The following MED7 variants were observed in gnomAD, a reference collection of about 807,000 sequenced individuals.
The protein encoded by MED7 is mediator of RNA polymerase II transcription subunit 7.
A neutral mutation model predicts 16.6 loss-of-function variants in MED7; 7 were observed. That is an observed-to-expected ratio of 0.42 (90% CI 0.24 to 0.79). The LOEUF (loss-of-function observed/expected upper bound fraction) is 0.79, where lower values mean the gene tolerates loss of function less well. Ranked by LOEUF, MED7 falls within the 30% of genes least tolerant of loss-of-function variation. The pLI is 0.27. For synonymous variants in MED7, 88 were observed against 90.5 expected (o/e 0.97, Z 0.16); for missense variants, 240 against 286.3 (o/e 0.84, Z 1.17).
chr5:157,138,473 A>G lies in MED7; in HGVS notation c.*257T>C. ...ATCATCAAAGTTTTACTGCAACTCTAAAACATAGGAATGTCCCATACAACA... is the reference window on the plus strand; with the variant it reads ...ATCATCAAAGTTTTACTGCAACTCTGAAACATAGGAATGTCCCATACAACA... On this transcript the variant is annotated 3_prime_UTR_variant, in exon 2 of 2. Transcript: ENST00000286317. 1 of 361,740 alleles carries G rather than the reference A, an allele frequency of 2.8e-6. No individual in the cohort carries two copies. The allele number at this position is 361,740 out of a possible 1,614,324, so 22.4% of individuals were successfully genotyped here. A position where few individuals can be genotyped will look rare whatever the true frequency, so the allele number is the denominator to read the frequency against.
At chr5:157,142,014 C>A (rs1757731982) in intron 1 of MED7, among the ~76,000 whole-genome samples, 1 of 152,234 alleles carries the variant, frequency 6.6e-6, no homozygotes, top group Admixed American at 6.5e-5. Context: ...TCCCAGGTCC[C>A]TTTAGCTCCA....
intron 1 of MED7, among the ~76,000 whole-genome samples, chr5:157,141,242 G>A (rs908390646): frequency 6.6e-6 from 1 of 152,026 alleles, no homozygotes; most frequent in South Asian, 2.1e-4. Flanking sequence ...CACGACGCCC[G>A]GCTAATGTTT....
intron 1 of MED7, among the ~76,000 whole-genome samples, chr5:157,141,801 G>A (rs1449695388): frequency 6.6e-6 from 1 of 151,928 alleles, no homozygotes; most frequent in Non-Finnish European, 1.5e-5. Flanking sequence ...ATGTTGGCCA[G>A]GCTGGTCTGG....
chr5:157,139,045 G>C lies in MED7; in HGVS notation c.387C>G (p.His129Gln), dbSNP rs780435271. The C allele has an allele frequency of 2.5e-6, 4 of 1,613,926 alleles. No homozygotes were observed. The Admixed American group carries it at 6.7e-5, about 27-fold the overall frequency. ...VHHLINEYRP[H>Q]QARETLRVMM... ...TGACTCTCAAGGTCTCTCTTGCTTG[G>C]TGGGGTCGGTATTCATTTATAAGAT... Residue 129 changes from histidine to glutamine, a missense_variant, in exon 2 of 2, where the codon CAC becomes CAG. His to Gln is a conservative substitution (Grantham distance 24). Coordinates refer to ENST00000286317, the MANE Select transcript of MED7 (RefSeq NM_004270.5).
intron 1 of MED7, among the ~76,000 whole-genome samples, chr5:157,141,711 C>T (rs1757727397): frequency 6.6e-6 from 1 of 152,028 alleles, no homozygotes; most frequent in Non-Finnish European, 1.5e-5. Context: ...GCCTGAGCCT[C>T]CTGAGTAGCT....
At chr5:157,142,124 T>C (rs1413049762) in intron 1 of MED7, among the ~76,000 whole-genome samples, 2 of 152,222 alleles carry the variant, frequency 1.3e-5, no homozygotes, top group East Asian at 3.8e-4. Flanking sequence ...ACTGTCTCTC[T>C]AGATGGAACT....
Position 157,142,825 on chromosome 5 carries a change from C to T in MED7, c.-23G>A, listed in dbSNP as rs1757749817. 1 of 152,462 alleles carries T rather than the reference C, an allele frequency of 6.6e-6. No homozygotes were observed. The highest frequency in any genetic ancestry group is 6.5e-5 in the Admixed American group (1 of 15,290). The allele number at this position is 152,462 out of a possible 1,614,324, so 9.4% of individuals were successfully genotyped here. On this transcript the variant is annotated 5_prime_UTR_variant, in exon 1 of 2. Transcript: ENST00000286317. ...AACCGTTGCCGCCCACTTACCTCAG[C>T]TCTGGCTTTACACTGGTAGCCGCCT...
Position 157,139,086 on chromosome 5 carries a change from A to G in MED7, c.346T>C (p.Phe116Leu). The G allele has an allele frequency of 1.2e-6, 2 of 1,614,004 alleles. No homozygotes were observed. Among genetic ancestry groups the G allele is most frequent in the Non-Finnish European group, 1.7e-6 (2 of 1,179,966 alleles). Residue 116 changes from phenylalanine (F) to leucine (L), a missense_variant, in exon 2 of 2, where the codon TTT (phenylalanine) becomes CTT (leucine). Physicochemically the swap from Phe to Leu is conservative, Grantham distance 22. Transcript: ENST00000286317. ...EEKLEDLKLL[F>L]VHVHHLINEY... ...TTTATAAGATGATGCACGTGTACAAAAAGCAGCTTAAGATCTTCTAGTTTC... is the reference window on the plus strand; with the variant it reads ...TTTATAAGATGATGCACGTGTACAAGAAGCAGCTTAAGATCTTCTAGTTTC...
In MED7 at chr5:157,137,505, C is replaced by T. The variant is rs1757653219; in HGVS notation, c.*1225G>A. The T allele has an allele frequency of 1.3e-5, 2 of 152,180 alleles. No homozygotes were observed. Among genetic ancestry groups the T allele is most frequent in the South Asian group, 4.1e-4 (2 of 4,832 alleles). The allele number at this position is 152,180 out of a possible 1,614,324, so 9.4% of individuals were successfully genotyped here. A position where few individuals can be genotyped will look rare whatever the true frequency, so the allele number is the denominator to read the frequency against. ...CCAAGTGATACCAATGCTGCTGGTC[C>T]AGGACCACACACTTTAAGAACCACG... On this transcript the variant is annotated 3_prime_UTR_variant, in exon 2 of 2. Transcript: ENST00000286317.
Position 157,137,771 on chromosome 5 carries a change from AC to A in MED7, c.*958del, listed in dbSNP as rs1486789840. ...GGTGGCTTCCAAACTTATCCTGGAT[AC>A]GACCGTCCAACCAGCAGCTGGGAGA... is the stretch of plus-strand genomic sequence containing the variant. On this transcript the variant is annotated 3_prime_UTR_variant, in exon 2 of 2. Coordinates refer to ENST00000286317, the MANE Select transcript of MED7 (RefSeq NM_004270.5). 6.6e-6 allele frequency: 1 copy of A among 152,282 alleles called. No individual in the cohort carries two copies. The highest frequency in any genetic ancestry group is 2.4e-5 in the African/African-American group (1 of 41,458). The allele number at this position is 152,282 out of a possible 1,614,324, so 9.4% of individuals were successfully genotyped here. A position where few individuals can be genotyped will look rare whatever the true frequency, so the allele number is the denominator to read the frequency against.
intron 1 of MED7, 164 bp downstream of exon 1, chr5:157,142,639 TCCGCGCTCTCGGAGAGA>T: frequency 6.6e-6 from 1 of 151,810 alleles, no homozygotes; most frequent in South Asian, 2.1e-4. Context: ...CCCCGAGGCC[TCCGCGCTCTCGGAGAGA>T]CCGCACTCTC....
At chr5:157,140,940 T>G (rs1226495758) in intron 1 of MED7, among the ~76,000 whole-genome samples, 3 of 152,250 alleles carry the variant, frequency 2.0e-5, no homozygotes, top group Non-Finnish European at 1.5e-5. Context: ...AATGTTAACA[T>G]TTTCCTTCAT....
At chr5:157,141,084 A>T (rs1561633382) in intron 1 of MED7, among the ~76,000 whole-genome samples, 1 of 150,168 alleles carries the variant, frequency 6.7e-6, no homozygotes, top group Non-Finnish European at 1.5e-5. Flanking sequence ...TTCAAAATAC[A>T]TTTTTTTTTT....
chr5:157,138,832 C>T lies in MED7; in HGVS notation c.600G>A (p.Gln200=). ...DADDSNNCTG[Q]NEHQRENSGH... ...CTGAATTTTCTCTTTGATGTTCATT[C>T]TGTCCAGTACAATTGTTGCTATCAT... The change falls in exon 2 of 2, where the codon CAG becomes CAA. Residue 200 remains glutamine, a synonymous_variant. Coordinates refer to ENST00000286317, the MANE Select transcript of MED7 (RefSeq NM_004270.5). 2 of 1,614,156 alleles carry T rather than the reference C, an allele frequency of 1.2e-6. No individual in the cohort carries two copies. The highest frequency in any genetic ancestry group is 1.7e-6 in the Non-Finnish European group (2 of 1,180,018).
chr5:157,140,847 A>T (rs928635531), intron 1 of MED7, among the ~76,000 whole-genome samples: 1 of 151,980 alleles, frequency 6.6e-6, no homozygotes, highest in Non-Finnish European at 1.5e-5. Context: ...CAGACATTTT[A>T]AAACTTTTAA....
Position 157,139,509 on chromosome 5 carries a change from T to A in MED7, c.-17-61A>T, listed in dbSNP as rs147027341. On this transcript the variant is annotated intron_variant, in intron 1 of 1. Coordinates refer to ENST00000286317, the MANE Select transcript of MED7 (RefSeq NM_004270.5). Reference sequence around the variant, plus strand: ...AGACAAACCTGTTACATTTCATAACTACAGATGGAATATTTTCTTCCTTTT... The same window carrying A: ...AGACAAACCTGTTACATTTCATAACAACAGATGGAATATTTTCTTCCTTTT... 185 of 981,770 alleles carry A rather than the reference T, an allele frequency of 1.9e-4. No individual in the cohort carries two copies. The African/African-American group carries it at 2.9e-3, about 16-fold the overall frequency. The allele number at this position is 981,770 out of a possible 1,614,324, so 60.8% of individuals were successfully genotyped here.
At chr5:157,141,628 T>C (rs1036540712) in intron 1 of MED7, among the ~76,000 whole-genome samples, 4 of 151,278 alleles carry the variant, frequency 2.6e-5, no homozygotes, top group Admixed American at 6.6e-5. Context: ...TCAATCTGTC[T>C]CCCAGGCTGG....
intron 1 of MED7, 109 bp from the exon 2 acceptor site, chr5:157,139,557 G>T: frequency 1.7e-6 from 1 of 590,848 alleles, no homozygotes; most frequent in Non-Finnish European, 2.7e-6. Context: ...TGGGGCCGAA[G>T]ACAAGATGAT....
chr5:157,138,373 T>C lies in MED7; in HGVS notation c.*357A>G, dbSNP rs1460505795. 1.7e-5 allele frequency: 3 copies of C among 181,428 alleles called. No homozygotes were observed. Among genetic ancestry groups the C allele is most frequent in the Admixed American group, 1.2e-4 (2 of 16,984 alleles). 11.2% of individuals were successfully genotyped at this position (181,428 alleles called of 1,614,324 possible). A position where few individuals can be genotyped will look rare whatever the true frequency, so the allele number is the denominator to read the frequency against. ...AGTTTTACATGTAGAGAGCTTAATA[T>C]CCATTTATCTATCATTCTTAAAGCA... On this transcript the variant is annotated 3_prime_UTR_variant, in exon 2 of 2. Transcript: ENST00000286317.
Sources: allele counts gnomAD v4.1 joint callset (sites outside exome capture counted in the v4.1 genomes callset), GRCh38; gene constraint gnomAD v4.1.1; transcripts MANE v1.5; gene names NCBI Gene and HGNC (gene_info 2026-07-23, HGNC 2026-07-21).